The following SESTD1 variants were observed in gnomAD, a reference collection of about 807,000 sequenced individuals.
SESTD1 encodes SEC14 and spectrin domain containing 1.
SESTD1 carries 43 observed loss-of-function variants against 101.7 expected under a neutral mutation model. The observed-to-expected ratio is 0.42, with a 90% confidence interval of 0.33 to 0.55. SESTD1 has a LOEUF of 0.55. SESTD1 is among the 20% of genes least tolerant of loss of function. The pLI, the probability that SESTD1 is intolerant of heterozygous loss-of-function variation, is 0.07. For missense variants in SESTD1, 647 were observed against 815.1 expected (o/e 0.79, Z 2.51); for synonymous variants, 283 against 286.8 (o/e 0.99, Z 0.13).
intron 2 of SESTD1, among the ~76,000 whole-genome samples, chr2:179,186,593 A>G (rs1402549347): frequency 6.6e-6 from 1 of 152,192 alleles, no homozygotes; most frequent in Non-Finnish European, 1.5e-5. Flanking sequence ...TTTTCATATC[A>G]GAAGTGAGAC....
intron 13 of SESTD1, among the ~76,000 whole-genome samples, chr2:179,119,952 C>T (rs563868329): frequency 1.1e-3 from 165 of 152,200 alleles, no homozygotes; most frequent in African/African-American, 3.8e-3. Context: ...CAGTCTCGGC[C>T]GGGTGCGGTG....
At chr2:179,137,850 TTTATAA>T (rs1406668324) in intron 9 of SESTD1, among the ~76,000 whole-genome samples, 5 of 152,186 alleles carry the variant, frequency 3.3e-5, no homozygotes, top group African/African-American at 1.2e-4. Context: ...AGATACTCAG[TTTATAA>T]TTATCTTTAA....
chr2:179,139,848 C>A (rs563619886), intron 9 of SESTD1, among the ~76,000 whole-genome samples: 1 of 152,140 alleles, frequency 6.6e-6, no homozygotes, highest in African/African-American at 2.4e-5. Flanking sequence ...CAGAACTCCT[C>A]GAAGAGATGG....
chr2:179,221,269 G>A (rs1181565234), intron 1 of SESTD1, among the ~76,000 whole-genome samples: 1 of 151,712 alleles, frequency 6.6e-6, no homozygotes, highest in Non-Finnish European at 1.5e-5. Context: ...GCAGAAAAAA[G>A]CCAGTGAGAT....
intron 1 of SESTD1, among the ~76,000 whole-genome samples, chr2:179,254,823 CAT>C (rs2047368776): frequency 6.6e-6 from 1 of 152,174 alleles, no homozygotes; most frequent in African/African-American, 2.4e-5. Context: ...TTGTATTTTT[CAT>C]AGATTGAAGG....
rs1311032457 is a variant in SESTD1, at chr2:179,191,772, A to C, written c.55+15T>G. ...TTGTATATCAAACACTTCAAATTTTAAGAAGAAATCATACCTGAAAGGAAG... is the reference window on the plus strand; with the variant it reads ...TTGTATATCAAACACTTCAAATTTTCAGAAGAAATCATACCTGAAAGGAAG... On this transcript the variant is annotated intron_variant, in intron 2 of 17. Transcript: ENST00000428443. The C allele has an allele frequency of 1.2e-6, 2 of 1,606,498 alleles. No individual in the cohort carries two copies. The highest frequency in any genetic ancestry group is 2.2e-5 in the South Asian group (2 of 90,138).
At chr2:179,134,397 C>T (rs2045090698) in intron 9 of SESTD1, among the ~76,000 whole-genome samples, 1 of 152,132 alleles carries the variant, frequency 6.6e-6, no homozygotes, top group South Asian at 2.1e-4. Flanking sequence ...ATCCTGTTGC[C>T]TGCCTGCCTC....
chr2:179,247,600 A>ATT lies in SESTD1; in HGVS notation c.-26+16897_-26+16898dup, dbSNP rs67407067. On this transcript the variant is annotated intron_variant, in intron 1 of 17. Transcript: ENST00000428443. The stretch of plus-strand genomic sequence containing the variant: ...CCACCACACCTGGCTAATTTGTTAA[A>ATT]TTTTTTTTTTTTCTTTTTTTGTAGA... Among the ~76,000 whole-genome samples, 734 of 148,962 alleles carry ATT rather than the reference A, an allele frequency of 4.9e-3. 5 individuals carry two copies. Among genetic ancestry groups the ATT allele is most frequent in the Non-Finnish European group, 7.8e-3 (526 of 67,168 alleles).
At chr2:179,200,741 C>G (rs1234873396) in intron 1 of SESTD1, among the ~76,000 whole-genome samples, 1 of 136,342 alleles carries the variant, frequency 7.3e-6, no homozygotes, top group Non-Finnish European at 1.6e-5. Flanking sequence ...GAAACTGGAT[C>G]CCTTCCTTAC....
intron 2 of SESTD1, 56 bp downstream of exon 2, chr2:179,191,724 CAAAGAAG>C (rs1456386524): frequency 2.2e-6 from 3 of 1,357,986 alleles, no homozygotes; most frequent in East Asian, 4.6e-5. Flanking sequence ...TCATACTTAA[CAAAGAAG>C]AAACTATTAA....
At chr2:179,249,790 A>G (rs1165250363) in intron 1 of SESTD1, among the ~76,000 whole-genome samples, 2 of 152,114 alleles carry the variant, frequency 1.3e-5, no homozygotes, top group African/African-American at 4.8e-5. Flanking sequence ...AGAAACACAC[A>G]AATATGCCCA....
rs570054303 is a variant in SESTD1, at chr2:179,257,053, C to A, written c.-26+7446G>T. On this transcript the variant is annotated intron_variant, in intron 1 of 17. Transcript: ENST00000428443. ...AACGCTACCACCCAGCATCTCATGC[C>A]ACAGAGAAATCTTTCATGAGAAGAA... is the stretch of plus-strand genomic sequence containing the variant. Among the ~76,000 whole-genome samples, 3 of 152,046 alleles carry A rather than the reference C, an allele frequency of 2.0e-5. No homozygotes were observed. The East Asian group carries it at 5.8e-4, about 29-fold the overall frequency.
Position 179,112,822 on chromosome 2 carries a change from C to A in SESTD1, c.1863G>T (p.Glu621Asp). 1.9e-6 allele frequency: 3 copies of A among 1,611,996 alleles called. No individual in the cohort carries two copies. The highest frequency in any genetic ancestry group is 2.2e-5 in the South Asian group (2 of 90,910). Residue 621 changes from glutamate (E) to aspartate (D), a missense_variant, in exon 17 of 18, where the codon GAG (glutamate) becomes GAT (aspartate). Glu to Asp is a conservative substitution (Grantham distance 45). This residue lies in a region of SESTD1 where 476 missense variants were observed against 562.6 expected (regional missense o/e 0.85). Transcript: ENST00000428443. ...GCTCCTCATCATTAATAGCTTCAGGCTCTTCTGGACAGTCCTGCAAAATCT... is the reference window on the plus strand; with the variant it reads ...GCTCCTCATCATTAATAGCTTCAGGATCTTCTGGACAGTCCTGCAAAATCT... Reference protein sequence around the residue: ...AEKILQDCPEEPEAINDEEQF... With the variant: ...AEKILQDCPEDPEAINDEEQF...
At chr2:179,114,078 T>G (rs189243700) in intron 16 of SESTD1, among the ~76,000 whole-genome samples, 1 of 150,530 alleles carries the variant, frequency 6.6e-6, no homozygotes, top group Admixed American at 6.6e-5. Context: ...GTGGTATGTT[T>G]TCTATGTTAA....
At chr2:179,115,754 A>G (rs1324846737) in intron 15 of SESTD1, among the ~76,000 whole-genome samples, 1 of 152,054 alleles carries the variant, frequency 6.6e-6, no homozygotes, top group Non-Finnish European at 1.5e-5. Context: ...TCTCAAAAAA[A>G]CAAAAATTGT....
At chr2:179,220,329 C>T (rs1049270198) in intron 1 of SESTD1, among the ~76,000 whole-genome samples, 17 of 152,118 alleles carry the variant, frequency 1.1e-4, no homozygotes, top group Non-Finnish European at 2.4e-4. Flanking sequence ...ATCTTTGGCT[C>T]TTCTTAATTT....
chr2:179,154,346 A>C (rs1410561754), intron 5 of SESTD1, among the ~76,000 whole-genome samples: 1 of 152,048 alleles, frequency 6.6e-6, no homozygotes, highest in African/African-American at 2.4e-5. Flanking sequence ...AATAAAGAGA[A>C]ACAAGCATTT....
intron 1 of SESTD1, among the ~76,000 whole-genome samples, chr2:179,227,392 A>T (rs1174900971): frequency 6.6e-6 from 1 of 152,176 alleles, no homozygotes; most frequent in Non-Finnish European, 1.5e-5. Context: ...CACTTGGCAG[A>T]TTATCTGATA....
chr2:179,132,414 G>A lies in SESTD1; in HGVS notation c.862C>T (p.Leu288=). 3.9e-6 allele frequency: 6 copies of A among 1,558,412 alleles called. No individual in the cohort carries two copies. The highest frequency in any genetic ancestry group is 5.2e-6 in the Non-Finnish European group (6 of 1,161,932). ...AGTTGTTCTGATCCAGGCCCTTCTA[G>A]CCAGTTCACCACCTATAAACAAAAG... The part of the protein sequence containing the change: ...QQKVMQVVNW[L]EGPGSEQLRA... Residue 288 remains leucine (L), a synonymous_variant, in exon 10 of 18, where the codon CTA becomes TTA. Coordinates refer to ENST00000428443, the MANE Select transcript of SESTD1 (RefSeq NM_178123.5).
Sources: allele counts gnomAD v4.1 joint callset (sites outside exome capture counted in the v4.1 genomes callset), GRCh38; gene constraint gnomAD v4.1.1; regional missense constraint gnomAD v4.1.1; transcripts MANE v1.5; gene names NCBI Gene and HGNC (gene_info 2026-07-23, HGNC 2026-07-21).